Variants in RBFOX3 observed in about 807,000 individuals in gnomAD.
RBFOX3 encodes the protein RNA binding fox-1 homolog 3.
RBFOX3 carries 17 observed loss-of-function variants against 48.7 expected under a neutral mutation model. That is an observed-to-expected ratio of 0.35 (90% CI 0.24 to 0.52). The LOEUF is 0.52. Among genes scored for constraint, RBFOX3 ranks in the 20% least tolerant of loss-of-function variants. RBFOX3 has a pLI of 0.94. For synonymous variants in RBFOX3, 212 were observed against 209.5 expected (o/e 1.01, Z -0.10); for missense variants, 382 against 497.5 (o/e 0.77, Z 2.21).
chr17:79,367,485 T>G lies in RBFOX3; in HGVS notation c.-174-59661A>C, dbSNP rs533531796. ...ATTCATGCATGTATCACCCAGCAGT[T>G]AGCGATGAGCACTCATGAGCTCTGG... On this transcript the variant is annotated intron_variant, in intron 2 of 14. Transcript: ENST00000693108. Among the ~76,000 whole-genome samples, 32 of 152,004 alleles carry G rather than the reference T, an allele frequency of 2.1e-4. No homozygotes were observed. The East Asian group carries it at 6.2e-3, about 30-fold the overall frequency.
intron 4 of RBFOX3, among the ~76,000 whole-genome samples, chr17:79,184,349 A>G (rs1056304191): frequency 6.6e-6 from 1 of 152,156 alleles, no homozygotes; most frequent in African/African-American, 2.4e-5. Context: ...GTACCCAGAC[A>G]CACTGGACTT....
Position 79,475,900 on chromosome 17 carries a change from T to A in RBFOX3, c.-175+6554A>T, listed in dbSNP as rs993628510. 5.3e-5 allele frequency among the ~76,000 whole-genome samples: 8 copies of A among 152,168 alleles called. No homozygotes were observed. The East Asian group carries it at 1.5e-3, about 29-fold the overall frequency. On this transcript the variant is annotated intron_variant, in intron 2 of 14. Transcript: ENST00000693108. ...AGAAGCAACCCCGCTGCCCTCCTGA[T>A]TTTGGATCCTGGCCTCCAGGAATTG...
chr17:79,115,376 C>G (rs535416828), intron 5 of RBFOX3, 118 bp downstream of exon 5: 20 of 567,206 alleles, frequency 3.5e-5, no homozygotes, highest in Non-Finnish European at 4.8e-5. Flanking sequence ...ACACAGAGGC[C>G]CTGCCCAGGC....
intron 4 of RBFOX3, among the ~76,000 whole-genome samples, chr17:79,151,038 C>T (rs753626575): frequency 1.2e-4 from 19 of 152,330 alleles, no homozygotes; most frequent in Non-Finnish European, 2.2e-4. Flanking sequence ...GTCCACGCTC[C>T]GCAAGTGCTC....
chr17:79,541,748 G>T (rs1272342554), intron 1 of RBFOX3, among the ~76,000 whole-genome samples: 3 of 152,202 alleles, frequency 2.0e-5, no homozygotes, highest in Non-Finnish European at 4.4e-5. Context: ...GATTTCAGTG[G>T]AAACTCTGGC....
intron 3 of RBFOX3, among the ~76,000 whole-genome samples, chr17:79,266,453 A>G (rs62062925): frequency 0.07 from 10,655 of 152,260 alleles, 438 homozygotes; most frequent in South Asian, 0.12. Context: ...GGTATTATTC[A>G]GAACTGGGTT....
At chr17:79,611,538 T>C (rs2093970210), upstream of RBFOX3, among the ~76,000 whole-genome samples, 1 of 152,020 alleles carries the variant, frequency 6.6e-6, no homozygotes, top group Admixed American at 6.5e-5. Flanking sequence ...CTCCAAGCTA[T>C]CTTGGGGGCG....
rs563761213 is a variant in RBFOX3, at chr17:79,363,668, A to G, written c.-174-55844T>C. ...ATTCCCTCCTTTCCTTGATGCCAGT[A>G]TCCAGGCCACCAGCAGGTGTTTCAG... On this transcript the variant is annotated intron_variant, in intron 2 of 14. Transcript: ENST00000693108. The surrounding 1 kb of genome is among the most constrained non-coding windows in gnomAD (Gnocchi z 4.7). Among the ~76,000 whole-genome samples, 170 of 152,036 alleles carry G rather than the reference A, an allele frequency of 1.1e-3. 1 individual carries two copies. The highest frequency in any genetic ancestry group is 4.0e-3 in the African/African-American group (164 of 41,450).
At position 79,178,095 on chromosome 17, in the gene RBFOX3, G is replaced by A. The variant is rs541096229; in HGVS notation, c.-34+57671C>T. Reference sequence around the variant, plus strand: ...GTCCAGGGCCGGAGCTTTCTCCTCGGCCATCACTGCCGGGCTCCTACGGGC... The same window carrying A: ...GTCCAGGGCCGGAGCTTTCTCCTCGACCATCACTGCCGGGCTCCTACGGGC... On this transcript the variant is annotated intron_variant, in intron 4 of 14. Transcript: ENST00000693108. Among the ~76,000 whole-genome samples the A allele has an allele frequency of 2.4e-3, 372 of 152,212 alleles. 3 individuals carry two copies. Among genetic ancestry groups the A allele is most frequent in the Non-Finnish European group, 2.2e-3 (148 of 68,014 alleles).
At chr17:79,225,294 T>A (rs1430856191) in intron 4 of RBFOX3, among the ~76,000 whole-genome samples, 1 of 147,502 alleles carries the variant, frequency 6.8e-6, no homozygotes, top group Non-Finnish European at 1.5e-5. Context: ...CTCCATTCTT[T>A]TTTTTTTTTT....
chr17:79,331,505 GC>G (rs1466554422), intron 2 of RBFOX3, among the ~76,000 whole-genome samples: 2 of 152,082 alleles, frequency 1.3e-5, no homozygotes, highest in African/African-American at 4.8e-5. Flanking sequence ...AGAGGCCTCT[GC>G]CCCCCCTGGA....
chr17:79,651,891 C>T, the RBFOX3 span, among the ~76,000 whole-genome samples: 1 of 132,220 alleles, frequency 7.6e-6, no homozygotes, highest in African/African-American at 2.9e-5. Context: ...TTGAGGGAAG[C>T]CACCTGCCAT....
At chr17:79,209,134 T>A (rs2057998034) in intron 4 of RBFOX3, among the ~76,000 whole-genome samples, 1 of 152,046 alleles carries the variant, frequency 6.6e-6, no homozygotes. Context: ...CTGCTCTTTC[T>A]GTACGTGCCC....
At chr17:79,652,225 T>A in the RBFOX3 span, among the ~76,000 whole-genome samples, 2 of 152,064 alleles carry the variant, frequency 1.3e-5, no homozygotes, top group African/African-American at 4.8e-5. Flanking sequence ...CTTCAAAGAA[T>A]CCATTAATAT....
chr17:79,360,880 G>A lies in RBFOX3; in HGVS notation c.-174-53056C>T, dbSNP rs139703534. Among the ~76,000 whole-genome samples, 140 of 151,186 alleles carry A rather than the reference G, an allele frequency of 9.3e-4. 2 individuals are homozygous for A. The East Asian group carries it at 0.024, about 26-fold the overall frequency. ...AAATTATGTTGGGGGAAGGGGAGTG[G>A]CAATATGAGTTTGAAATTAGTTGTG... is the stretch of plus-strand genomic sequence containing the variant. On this transcript the variant is annotated intron_variant, in intron 2 of 14. Transcript: ENST00000693108.
intron 4 of RBFOX3, among the ~76,000 whole-genome samples, chr17:79,190,414 CAAAAAAA>C (rs71161650): frequency 2.1e-5 from 2 of 93,524 alleles, no homozygotes; most frequent in African/African-American, 8.1e-5. Context: ...TCTGTCTCAC[CAAAAAAA>C]AAAAAAAAAA....
At chr17:79,290,486 C>T (rs1047533104) in intron 3 of RBFOX3, among the ~76,000 whole-genome samples, 2 of 152,030 alleles carry the variant, frequency 1.3e-5, no homozygotes, top group African/African-American at 2.4e-5. Context: ...CTATGTGTGG[C>T]TCTTCGCCTC....
chr17:79,433,780 CGTCCACACTGG>C (rs2068902927), intron 2 of RBFOX3, among the ~76,000 whole-genome samples: 1 of 151,622 alleles, frequency 6.6e-6, no homozygotes, highest in African/African-American at 2.4e-5. Flanking sequence ...ATCAAGTCAC[CGTCCACACTGG>C]ATTAGCCAAT....
intron 2 of RBFOX3, among the ~76,000 whole-genome samples, chr17:79,355,835 C>T (rs1162456942): frequency 2.0e-5 from 3 of 152,314 alleles, no homozygotes; most frequent in South Asian, 2.1e-4. Context: ...CCTGCCTTAG[C>T]TTCCCAAAGT....
Sources: allele counts gnomAD v4.1 joint callset (sites outside exome capture counted in the v4.1 genomes callset), GRCh38; gene constraint gnomAD v4.1.1; non-coding constraint Gnocchi (gnomAD v3.1); transcripts MANE v1.5; gene names NCBI Gene and HGNC (gene_info 2026-07-23, HGNC 2026-07-21).